KCNT1: variants seen among roughly 807,000 people sequenced by gnomAD.
The protein encoded by KCNT1 is potassium channel subfamily T member 1.
Under a neutral mutation model 147.8 loss-of-function variants are expected in KCNT1, and 78 were observed. The ratio of observed to expected loss-of-function variants is 0.53; its 90% CI spans 0.44 to 0.64. The LOEUF (loss-of-function observed/expected upper bound fraction) is 0.64, where lower values mean the gene tolerates loss of function less well. Ranked by LOEUF, KCNT1 falls within the 30% of genes least tolerant of loss-of-function variation. The probability of loss-of-function intolerance (pLI) is 0.00; values close to 1 mark genes in which losing one functional copy is unlikely to be tolerated. For missense variants in KCNT1, 1,419 were observed against 1,750.3 expected, an observed-to-expected ratio of 0.81 and a Z score of 3.38; for synonymous variants, 867 against 748.8, an observed-to-expected ratio of 1.16 and a Z score of -2.58.
At chr9:135,736,388 C>T (rs2131372354) in intron 2 of KCNT1, 1 of 152,316 alleles carries the variant, frequency 6.6e-6, no homozygotes, top group East Asian at 1.9e-4. Context: ...TCATTGTTAC[C>T]ATTGCTTGGC....
chr9:135,792,006 A>T (rs1408625466), intron 30 of KCNT1, 35 bp from the exon 31 acceptor site: 2 of 1,602,756 alleles, frequency 1.2e-6, no homozygotes, highest in Non-Finnish European at 1.7e-6. Flanking sequence ...TGCCCGGCCC[A>T]CATCCACTCC....
intron 2 of KCNT1, among the ~76,000 whole-genome samples, chr9:135,717,028 G>A (rs1043895252): frequency 8.5e-5 from 13 of 152,234 alleles, no homozygotes; most frequent in Non-Finnish European, 1.8e-4. Flanking sequence ...GGACGGGAGG[G>A]GACCTGGCCC....
intron 28 of KCNT1, 118 bp downstream of exon 28, chr9:135,785,448 G>C (rs766740941): frequency 7.9e-7 from 1 of 1,269,896 alleles, no homozygotes; most frequent in South Asian, 1.3e-5. Context: ...TGGGAAAGCC[G>C]AGGCAGGAGC....
chr9:135,718,236 G>A (rs1264637405), intron 2 of KCNT1, among the ~76,000 whole-genome samples: 1 of 152,214 alleles, frequency 6.6e-6, no homozygotes, highest in Non-Finnish European at 1.5e-5. Flanking sequence ...TGGCCTGGTG[G>A]GACCCCCTTC....
Position 135,750,938 on chromosome 9 carries a change from G to A in KCNT1, c.335-4G>A, listed in dbSNP as rs372339395. 4.6e-5 allele frequency: 74 copies of A among 1,612,622 alleles called. 1 individual carries two copies. The Middle Eastern group carries it at 1.8e-3, about 40-fold the overall frequency. ...GAGCCCTGAGGCCGCTGCCCTCCCC[G>A]CAGGCCTGAGGATCCGGCTGTTCAA... On this transcript the variant is annotated splice_polypyrimidine_tract_variant and splice_region_variant and intron_variant, in intron 3 of 30. Coordinates refer to ENST00000371757, the MANE Select transcript of KCNT1 (RefSeq NM_020822.3).
intron 13 of KCNT1, chr9:135,768,392 A>T (rs1832482016): frequency 3.2e-6 from 1 of 310,948 alleles, no homozygotes; most frequent in Non-Finnish European, 5.5e-6. Flanking sequence ...GGGCACTGTG[A>T]CTCCTGACCA....
At chr9:135,782,304 C>G (rs542470523) in intron 24 of KCNT1, among the ~76,000 whole-genome samples, 54 of 152,302 alleles carry the variant, frequency 3.5e-4, no homozygotes, top group African/African-American at 1.3e-3. Context: ...CTCTCAGAGC[C>G]CCGGTGTGTG....
In KCNT1 at chr9:135,778,413, T is replaced by C; in HGVS notation, c.2523-11T>C. ...GCAGGGTGGGCCCCTCCAGGACCGC[T>C]GTCCCCACAGGCCCGACCACCACTT... is the stretch of plus-strand genomic sequence containing the variant. On this transcript the variant is annotated splice_polypyrimidine_tract_variant and intron_variant, in intron 21 of 30. Coordinates refer to ENST00000371757, the MANE Select transcript of KCNT1 (RefSeq NM_020822.3). 6.4e-7 allele frequency: 1 copy of C among 1,550,460 alleles called. No individual in the cohort carries two copies.
intron 20 of KCNT1, among the ~76,000 whole-genome samples, chr9:135,776,166 A>G (rs1468104196): frequency 6.6e-6 from 1 of 151,744 alleles, no homozygotes; most frequent in Non-Finnish European, 1.5e-5. Flanking sequence ...TGGAGTTAGC[A>G]GCTTCTCTGT....
chr9:135,784,842 C>T lies in KCNT1; in HGVS notation c.3109C>T (p.Pro1037Ser). 2 of 1,612,880 alleles carry T rather than the reference C, an allele frequency of 1.2e-6. No homozygotes were observed. Among genetic ancestry groups the T allele is most frequent in the Non-Finnish European group, 8.5e-7 (1 of 1,180,000 alleles). The change falls in exon 27 of 31, where the codon CCC (proline) becomes TCC (serine). Residue 1037 changes from proline (P) to serine (S), a missense_variant. Physicochemically the swap from Pro to Ser is moderately conservative, Grantham distance 74. Coordinates refer to ENST00000371757, the MANE Select transcript of KCNT1 (RefSeq NM_020822.3). The part of the protein sequence containing the change: ...QKLCSSSAEI[P>S]IGIYRTESHV... ...GCTCTGCTCCTCCAGCGCCGAGATC[C>T]CCATTGGCATCTACCGGACAGAGAG...
In KCNT1 at chr9:135,786,275, G is replaced by A. The variant is rs201156458; in HGVS notation, c.3256G>A (p.Gly1086Arg). ...GCCCTGGGGCTCCCGCGCTGGCACCGGAGGCAGCTCCCAGGGCCGCCACAC... is the reference window on the plus strand; with the variant it reads ...GCCCTGGGGCTCCCGCGCTGGCACCAGAGGCAGCTCCCAGGGCCGCCACAC... ...KGPWGSRAGT[G>R]GSSQGRHTGG... The change falls in exon 29 of 31, where the codon GGA (glycine) becomes AGA (arginine). Residue 1086 changes from glycine to arginine, a missense_variant. Gly to Arg is a moderately radical substitution (Grantham distance 125, BLOSUM62 -2). Around this residue, in one of 5 missense-constraint regions of KCNT1, gnomAD observed 306 missense variants for 294.2 expected, o/e 1.04. Transcript: ENST00000371757. 2.5e-4 allele frequency: 400 copies of A among 1,609,646 alleles called. No homozygotes were observed. The African/African-American group carries it at 3.8e-3, about 15-fold the overall frequency.
At chr9:135,788,211 A>T in intron 29 of KCNT1, 1 of 1,480,108 alleles carries the variant, frequency 6.8e-7, no homozygotes, top group African/African-American at 1.4e-5. Context: ...GGGCTCGCCA[A>T]CCCTTCACCG....
rs1652154991 is a variant in KCNT1 at position 135,759,700 on chromosome 9, G to A, written c.876G>A (p.Leu292=). ...GCAGGACCTGCGGCATCCAGCACCT[G>A]GAGCGGGCGGGCGAGAACCTGTCCC... The part of the protein sequence containing the change: ...VFTGTCGIQH[L]ERAGENLSLL... Residue 292 remains leucine, a synonymous_variant, in exon 11 of 31, where the codon CTG becomes CTA. Transcript: ENST00000371757. 2.5e-6 allele frequency: 4 copies of A among 1,610,696 alleles called. No individual in the cohort carries two copies. Among genetic ancestry groups the A allele is most frequent in the Non-Finnish European group, 3.4e-6 (4 of 1,178,096 alleles).
At chr9:135,771,357 C>T (rs1049539661) in intron 18 of KCNT1, among the ~76,000 whole-genome samples, 10 of 152,242 alleles carry the variant, frequency 6.6e-5, no homozygotes, top group African/African-American at 2.4e-4. Flanking sequence ...CCCAGTTCCT[C>T]TTGGCCTATG....
chr9:135,759,847 G>A lies in KCNT1; in HGVS notation c.1023G>A (p.Val341=). The change falls in exon 11 of 31, where the codon GTG becomes GTA. Residue 341 remains valine, a synonymous_variant. Transcript: ENST00000371757. ...VVIMICVALV[V]LPLQFEELVY... ...TCATGATCTGCGTGGCCCTCGTGGT[G>A]CTCCCACTGCAGGTGGGTCCTCTGG... 1 of 1,605,034 alleles carries A rather than the reference G, an allele frequency of 6.2e-7. No individual in the cohort carries two copies. Among genetic ancestry groups the A allele is most frequent in the Non-Finnish European group, 8.5e-7 (1 of 1,175,152 alleles).
rs768536067 is a variant in KCNT1 at position 135,786,236 on chromosome 9, C to A, written c.3217C>A (p.Arg1073=). ...GAACGTGGAGGACTGTGAGGACACA[C>A]GGGAAGTGAAGGGGCCCTGGGGCTC... ...SVNVEDCEDT[R]EVKGPWGSRA... Residue 1073 remains arginine, a synonymous_variant, in exon 29 of 31, where the codon CGG becomes AGG. Coordinates refer to ENST00000371757, the MANE Select transcript of KCNT1 (RefSeq NM_020822.3). 6.8e-6 allele frequency: 11 copies of A among 1,611,466 alleles called. No individual in the cohort carries two copies. The highest frequency in any genetic ancestry group is 9.3e-6 in the Non-Finnish European group (11 of 1,179,540).
chr9:135,786,155 A>AGCCTCACCCCTCCCCGCC lies in KCNT1; in HGVS notation c.3178-41_3178-24dup, dbSNP rs764885023. The AGCCTCACCCCTCCCCGCC allele has an allele frequency of 6.4e-6, 10 of 1,553,654 alleles. No individual in the cohort carries two copies. In the South Asian group the frequency reaches 1.2e-4, roughly 18 times the overall value. ...CCCCAAAGCCCGCGACCCTCCCGGCAGCCTCACCCCTCCCCGCCCTGCCCT... is the reference window on the plus strand; with the variant it reads ...CCCCAAAGCCCGCGACCCTCCCGGCAGCCTCACCCCTCCCCGCCGCCTCACCCCTCCCCGCCCTGCCCT... On this transcript the variant is annotated intron_variant, in intron 28 of 30. Coordinates refer to ENST00000371757, the MANE Select transcript of KCNT1 (RefSeq NM_020822.3).
intron 2 of KCNT1, among the ~76,000 whole-genome samples, chr9:135,741,851 C>CT (rs1325322518): frequency 2.0e-5 from 3 of 152,258 alleles, no homozygotes; most frequent in Non-Finnish European, 4.4e-5. Flanking sequence ...AGAGGTCCCT[C>CT]TGAAGTCCTT....
At chr9:135,703,525 T>C (rs1347824959) in intron 1 of KCNT1, among the ~76,000 whole-genome samples, 1 of 152,170 alleles carries the variant, frequency 6.6e-6, no homozygotes, top group Non-Finnish European at 1.5e-5. Context: ...GAGGAGCAGG[T>C]GCTCTGAGGG....
Sources: gnomAD v4.1 joint callset for allele counts (sites outside exome capture counted in the v4.1 genomes callset) on GRCh38, gnomAD v4.1.1 for gene constraint, gnomAD v4.1.1 regional missense constraint, MANE v1.5 for transcripts, NCBI Gene and HGNC (gene_info 2026-07-23, HGNC 2026-07-21) for gene names.